The following PDS5B variants were observed in gnomAD, a reference collection of about 807,000 sequenced individuals.
PDS5B encodes sister chromatid cohesion protein PDS5 homolog B.
Under a neutral mutation model 184.1 loss-of-function variants are expected in PDS5B, and 51 were observed. The ratio of observed to expected loss-of-function variants is 0.28; its 90% CI spans 0.22 to 0.35. PDS5B has a LOEUF of 0.35. PDS5B is among the 10% of genes least tolerant of loss of function. The pLI, the probability that PDS5B is intolerant of heterozygous loss-of-function variation, is 1.00. For missense variants in PDS5B, 1,180 were observed against 1,723.3 expected, an observed-to-expected ratio of 0.68 and a Z score of 5.58; for synonymous variants, 566 against 569.2, an observed-to-expected ratio of 0.99 and a Z score of 0.08.
rs1230097569 is a variant in PDS5B, at chr13:32,773,076, G to A, written c.4173-113G>A. ...TAAAGAAATGTTCTTGTCTCATAAA[G>A]TAACTGAGGGTAAAGATGATATGAC... On this transcript the variant is annotated intron_variant, in intron 33 of 34. Transcript: ENST00000315596. The A allele has an allele frequency of 8.7e-6, 7 of 808,470 alleles. No homozygotes were observed. In the South Asian group the frequency reaches 1.2e-4, roughly 14 times the overall value. 50.1% of individuals were successfully genotyped at this position (808,470 alleles called of 1,614,324 possible). A position where few individuals can be genotyped will look rare whatever the true frequency, so the allele number is the denominator to read the frequency against.
At chr13:32,749,293 C>T (rs1566406946) in intron 24 of PDS5B, among the ~76,000 whole-genome samples, 1 of 152,172 alleles carries the variant, frequency 6.6e-6, no homozygotes, top group Non-Finnish European at 1.5e-5. Flanking sequence ...TCAGACACAA[C>T]CTTCTTTACA....
intron 1 of PDS5B, among the ~76,000 whole-genome samples, chr13:32,604,515 G>A (rs985552940): frequency 6.6e-6 from 1 of 152,202 alleles, no homozygotes; most frequent in Non-Finnish European, 1.5e-5. Flanking sequence ...GTTCATCAGG[G>A]ATATTGGTCT....
intron 19 of PDS5B, among the ~76,000 whole-genome samples, chr13:32,712,444 A>T (rs1297527442): frequency 6.6e-6 from 1 of 152,238 alleles, no homozygotes; most frequent in Non-Finnish European, 1.5e-5. Context: ...TTAATTTTTT[A>T]AATTATTAAA....
At position 32,701,387 on chromosome 13, in the gene PDS5B, A is replaced by G. The variant is rs748091825; in HGVS notation, c.1805A>G (p.Lys602Arg). ...QPTNPFLEMI[K>R]FLLERIAPVH... is the part of the protein sequence containing the mutation. Reference sequence around the variant, plus strand: ...ACAAATCCTTTCCTGGAAATGATCAAGTTTCTCTTGGAGAGGATAGCACCT... The same window carrying G: ...ACAAATCCTTTCCTGGAAATGATCAGGTTTCTCTTGGAGAGGATAGCACCT... The change falls in exon 17 of 35, where the codon AAG becomes AGG. Residue 602 changes from lysine to arginine, a missense_variant. This residue lies in a region of PDS5B where 475 missense variants were observed against 691.5 expected (regional missense o/e 0.69). Transcript: ENST00000315596. 2 of 1,612,886 alleles carry G rather than the reference A, an allele frequency of 1.2e-6. No individual in the cohort carries two copies. Among genetic ancestry groups the G allele is most frequent in the Admixed American group, 3.3e-5 (2 of 59,990 alleles).
chr13:32,747,642 C>T (rs989574511), intron 24 of PDS5B, among the ~76,000 whole-genome samples: 1 of 151,728 alleles, frequency 6.6e-6, no homozygotes, highest in Admixed American at 6.6e-5. Flanking sequence ...GTATAGTTTC[C>T]CCACTTAATT....
chr13:32,673,119 G>C lies in PDS5B; in HGVS notation c.706-97G>C, dbSNP rs140102663. The C allele has an allele frequency of 2.0e-5, 22 of 1,073,402 alleles. No individual in the cohort carries two copies. In the African/African-American group the frequency reaches 2.5e-4, roughly 12 times the overall value. The allele number at this position is 1,073,402 out of a possible 1,614,324, so 66.5% of individuals were successfully genotyped here. On this transcript the variant is annotated intron_variant, in intron 7 of 34. Transcript: ENST00000315596. ...ATTTTGATATGCCTAGTTTGACTTT[G>C]TATAAAATAATGATGAATTTGGTCA...
At chr13:32,673,025 A>G (rs1009406557) in intron 7 of PDS5B, among the ~76,000 whole-genome samples, 191 bp from the exon 8 acceptor site, 2 of 152,252 alleles carry the variant, frequency 1.3e-5, no homozygotes, top group Admixed American at 6.5e-5. Flanking sequence ...GTTTTATTGT[A>G]TACAAGATGG....
At chr13:32,630,790 T>C (rs1387547326) in intron 1 of PDS5B, among the ~76,000 whole-genome samples, 2 of 70,674 alleles carry the variant, frequency 2.8e-5, no homozygotes, top group Non-Finnish European at 9.3e-5. Flanking sequence ...TCTTCCTTAC[T>C]TTTTTTTTTT....
intron 7 of PDS5B, among the ~76,000 whole-genome samples, chr13:32,671,112 G>T (rs1274731717): frequency 6.6e-6 from 1 of 152,072 alleles, no homozygotes; most frequent in African/African-American, 2.4e-5. Context: ...ACCCATATTT[G>T]TATCATACTG....
At chr13:32,710,785 C>G (rs1248685536) in intron 19 of PDS5B, among the ~76,000 whole-genome samples, 1 of 152,048 alleles carries the variant, frequency 6.6e-6, no homozygotes, top group East Asian at 1.9e-4. Flanking sequence ...TCTGGCTTAC[C>G]CATTAGTCTG....
intron 28 of PDS5B, 104 bp downstream of exon 28, chr13:32,758,757 T>G: frequency 9.1e-7 from 1 of 1,096,846 alleles, no homozygotes; most frequent in South Asian, 1.4e-5. Context: ...CTGTGAGTCT[T>G]AAGAATGTGA....
chr13:32,697,181 A>G (rs1222740382), intron 15 of PDS5B, among the ~76,000 whole-genome samples: 2 of 152,214 alleles, frequency 1.3e-5, no homozygotes, highest in Non-Finnish European at 2.9e-5. Flanking sequence ...CCAAGCCAAA[A>G]TATAAAGGAT....
chr13:32,775,308 A>T lies in PDS5B; in HGVS notation c.*256A>T. ...GTAGACATAAAGAAGAAACTTGTAA[A>T]TATCTTTTTTCTTTTTTTTAATGTT... is the stretch of plus-strand genomic sequence containing the variant. On this transcript the variant is annotated 3_prime_UTR_variant, in exon 35 of 35. Coordinates refer to ENST00000315596, the MANE Select transcript of PDS5B (RefSeq NM_015032.4). The T allele has an allele frequency of 2.1e-6, 1 of 476,942 alleles. No homozygotes were observed. The highest frequency in any genetic ancestry group is 5.7e-4 in the Middle Eastern group (1 of 1,748). 29.5% of individuals were successfully genotyped at this position (476,942 alleles called of 1,614,324 possible).
Position 32,752,822 on chromosome 13 carries a change from T to C in PDS5B, c.2737-510T>C, listed in dbSNP as rs180765180. Among the ~76,000 whole-genome samples the C allele has an allele frequency of 1.2e-4, 18 of 152,300 alleles. No individual in the cohort carries two copies. The East Asian group carries it at 3.3e-3, about 28-fold the overall frequency. On this transcript the variant is annotated intron_variant, in intron 24 of 34. Coordinates refer to ENST00000315596, the MANE Select transcript of PDS5B (RefSeq NM_015032.4). Reference sequence around the variant, plus strand: ...GATTAGTAATCCTTACCTTCAGAGTTGTGCTTTTTATTTCTTTATTAAGAG... The same window carrying C: ...GATTAGTAATCCTTACCTTCAGAGTCGTGCTTTTTATTTCTTTATTAAGAG...
At chr13:32,692,897 T>C (rs1951596533) in intron 13 of PDS5B, among the ~76,000 whole-genome samples, 1 of 48,628 alleles carries the variant, frequency 2.1e-5, no homozygotes, top group Non-Finnish European at 4.8e-5. Context: ...ATGGTCACTT[T>C]TTTATTTTAT....
rs1347807072 is a variant in PDS5B at position 32,716,673 on chromosome 13, T to C, written c.2123+6567T>C. Reference sequence around the variant, plus strand: ...CCGTTTGGGAGGGAGGTGGGGGGGGTCAGCCCCCCGCCCGGCCAGCTGCCC... The same window carrying C: ...CCGTTTGGGAGGGAGGTGGGGGGGGCCAGCCCCCCGCCCGGCCAGCTGCCC... On this transcript the variant is annotated intron_variant, in intron 19 of 34. Transcript: ENST00000315596. Among the ~76,000 whole-genome samples the C allele has an allele frequency of 6.2e-5, 5 of 80,804 alleles. 1 individual carries two copies. Among genetic ancestry groups the C allele is most frequent in the Admixed American group, 1.3e-4 (1 of 7,460 alleles). The allele number at this position is 80,804 out of a possible 152,430, so 53.0% of individuals were successfully genotyped here.
At chr13:32,608,376 A>G (rs2058093429) in intron 1 of PDS5B, among the ~76,000 whole-genome samples, 2 of 152,186 alleles carry the variant, frequency 1.3e-5, no homozygotes, top group East Asian at 1.9e-4. Flanking sequence ...CGCTTTCTAT[A>G]GTAGTCTAAC....
intron 1 of PDS5B, among the ~76,000 whole-genome samples, chr13:32,610,117 G>A (rs896597347): frequency 4.6e-5 from 7 of 152,118 alleles, no homozygotes; most frequent in African/African-American, 1.7e-4. Flanking sequence ...GGGCATAGAT[G>A]CATATAAGCT....
At chr13:32,723,021 A>C (rs1466908640) in intron 19 of PDS5B, among the ~76,000 whole-genome samples, 1 of 152,238 alleles carries the variant, frequency 6.6e-6, no homozygotes, top group Non-Finnish European at 1.5e-5. Flanking sequence ...AACAGCCAGC[A>C]CAGGGATATT....
Sources: gnomAD v4.1 joint callset for allele counts (sites outside exome capture counted in the v4.1 genomes callset) on GRCh38, gnomAD v4.1.1 for gene constraint, gnomAD v4.1.1 regional missense constraint, MANE v1.5 for transcripts, NCBI Gene and HGNC (gene_info 2026-07-23, HGNC 2026-07-21) for gene names.